Variants in CTNNA3 observed in about 807,000 individuals in gnomAD.
CTNNA3 encodes catenin alpha-3.
A neutral mutation model predicts 95.7 loss-of-function variants in CTNNA3; 76 were observed. That is an observed-to-expected ratio of 0.79 (90% CI 0.66 to 0.96). CTNNA3 has a LOEUF of 0.96. Ranked by LOEUF, CTNNA3 falls within the 40% of genes least tolerant of loss-of-function variation. The probability of loss-of-function intolerance (pLI) is 0.00; values close to 1 mark genes in which losing one functional copy is unlikely to be tolerated. For missense variants in CTNNA3, 1,191 were observed against 1,089.8 expected (o/e 1.09, Z -1.31); for synonymous variants, 431 against 374.4 (o/e 1.15, Z -1.74).
intron 13 of CTNNA3, among the ~76,000 whole-genome samples, chr10:66,239,074 A>C (rs1309219123): frequency 6.6e-6 from 1 of 151,888 alleles, no homozygotes; most frequent in Non-Finnish European, 1.5e-5. Flanking sequence ...CCAAGAGTTA[A>C]GCAATGGCAA....
chr10:67,458,845 T>C (rs1407121734), intron 5 of CTNNA3, among the ~76,000 whole-genome samples: 1 of 152,098 alleles, frequency 6.6e-6, no homozygotes, highest in East Asian at 1.9e-4. Flanking sequence ...GCTTAACATG[T>C]GGGGATTACA....
intron 9 of CTNNA3, among the ~76,000 whole-genome samples, chr10:66,648,387 A>G (rs1019253826): frequency 1.3e-5 from 2 of 152,128 alleles, no homozygotes; most frequent in Admixed American, 6.5e-5. Context: ...CAAAAAGAAA[A>G]AAATTAATGT....
At position 67,237,126 on chromosome 10, in the gene CTNNA3, GTATA is replaced by G. The variant is rs59511861; in HGVS notation, c.580-17260_580-17257del. Among the ~76,000 whole-genome samples, 293 of 39,846 alleles carry G rather than the reference GTATA, an allele frequency of 7.4e-3. 11 individuals carry two copies. The highest frequency in any genetic ancestry group is 0.022 in the African/African-American group (213 of 9,670). The allele number at this position is 39,846 out of a possible 152,430, so 26.1% of individuals were successfully genotyped here. A position where few individuals can be genotyped will look rare whatever the true frequency, so the allele number is the denominator to read the frequency against. On this transcript the variant is annotated intron_variant, in intron 5 of 17. Transcript: ENST00000433211. ...AGTGGATAAAGAAACTATGGTGTAT[GTATA>G]TATATATATATATATATATATATAT...
At chr10:66,970,509 G>GGGT (rs894279706) in intron 7 of CTNNA3, among the ~76,000 whole-genome samples, 2 of 137,746 alleles carry the variant, frequency 1.5e-5, no homozygotes, top group Admixed American at 7.6e-5. Flanking sequence ...GGGTGGGGGG[G>GGGT]GGATACAATT....
chr10:66,084,135 C>CAAAAAAAAAAAAAAAAAAAAA (rs200266418), intron 14 of CTNNA3, among the ~76,000 whole-genome samples: 1 of 80,104 alleles, frequency 1.2e-5, no homozygotes, highest in Non-Finnish European at 2.6e-5. Context: ...AACTTCATCT[C>CAAAAAAAAAAAAAAAAAAAAA]AAAAAAAAAA....
At chr10:67,252,158 C>T (rs1866134621) in intron 5 of CTNNA3, among the ~76,000 whole-genome samples, 1 of 146,376 alleles carries the variant, frequency 6.8e-6, no homozygotes, top group Admixed American at 7.0e-5. Flanking sequence ...TTGCAGTGAG[C>T]AGAGATTGTG....
chr10:67,183,327 G>A (rs923996710), intron 6 of CTNNA3, among the ~76,000 whole-genome samples: 1 of 152,122 alleles, frequency 6.6e-6, no homozygotes, highest in Non-Finnish European at 1.5e-5. Flanking sequence ...AAGAAAATGT[G>A]GCACATATAC....
intron 6 of CTNNA3, among the ~76,000 whole-genome samples, chr10:67,189,863 C>G (rs1001276595): frequency 3.9e-5 from 6 of 152,032 alleles, no homozygotes; most frequent in Non-Finnish European, 2.9e-5. Context: ...TTTAAAAAAT[C>G]TGACACTATG....
At chr10:65,929,894 G>A (rs991108486) in intron 17 of CTNNA3, among the ~76,000 whole-genome samples, 6 of 152,012 alleles carry the variant, frequency 3.9e-5, no homozygotes, top group African/African-American at 1.4e-4. Context: ...AGTTTATAAG[G>A]TGAACTGGAA....
At chr10:66,580,844 G>C (rs112922372) in intron 10 of CTNNA3, among the ~76,000 whole-genome samples, 1 of 151,778 alleles carries the variant, frequency 6.6e-6, no homozygotes, top group East Asian at 1.9e-4. Flanking sequence ...GGATATTAGT[G>C]CATGCATTAT....
At chr10:66,003,311 G>A (rs956439880) in intron 15 of CTNNA3, among the ~76,000 whole-genome samples, 5 of 148,590 alleles carry the variant, frequency 3.4e-5, no homozygotes, top group East Asian at 2.0e-4. Context: ...TGCTGGTGGC[G>A]GTGGTGGTGG....
chr10:66,826,970 G>A (rs926599698), intron 7 of CTNNA3, among the ~76,000 whole-genome samples: 1 of 152,116 alleles, frequency 6.6e-6, no homozygotes, highest in Non-Finnish European at 1.5e-5. Flanking sequence ...TGGCTGTACT[G>A]TACCAAGTTA....
intron 9 of CTNNA3, among the ~76,000 whole-genome samples, chr10:66,671,943 A>C (rs1357184414): frequency 6.6e-6 from 1 of 152,168 alleles, no homozygotes; most frequent in African/African-American, 2.4e-5. Context: ...GGACTAAATA[A>C]ATGCTGGTTA....
intron 5 of CTNNA3, among the ~76,000 whole-genome samples, chr10:67,346,461 TA>T (rs2132629916): frequency 6.6e-6 from 1 of 152,358 alleles, no homozygotes; most frequent in African/African-American, 2.4e-5. Flanking sequence ...GGAATGTTTT[TA>T]TTTCTCTTTC....
chr10:66,468,728 C>A (rs1392381782), intron 11 of CTNNA3, among the ~76,000 whole-genome samples: 1 of 151,746 alleles, frequency 6.6e-6, no homozygotes, highest in African/African-American at 2.4e-5. Context: ...ATGTTATATA[C>A]TGTAAATATA....
chr10:66,217,336 G>C (rs1337275672), intron 13 of CTNNA3, among the ~76,000 whole-genome samples: 1 of 139,422 alleles, frequency 7.2e-6, no homozygotes, highest in Admixed American at 7.5e-5. Context: ...CTGGGCGACA[G>C]AGCGAGACTC....
intron 17 of CTNNA3, among the ~76,000 whole-genome samples, chr10:65,960,810 T>C (rs1201483711): frequency 6.6e-6 from 1 of 152,208 alleles, no homozygotes; most frequent in African/African-American, 2.4e-5. Flanking sequence ...CTTAGGATAA[T>C]GGTCTCCAGC....
intron 13 of CTNNA3, among the ~76,000 whole-genome samples, chr10:66,227,104 A>G (rs2089332598): frequency 6.6e-6 from 1 of 152,076 alleles, no homozygotes. Context: ...AGCTCAAGTG[A>G]TCCTCTCATT....
intron 11 of CTNNA3, among the ~76,000 whole-genome samples, chr10:66,465,707 T>C (rs12255438): frequency 0.062 from 9,441 of 152,066 alleles, 607 homozygotes; most frequent in African/African-American, 0.16. Context: ...CATCTCCTGA[T>C]GGGAAAGGAA....
Sources: allele counts gnomAD v4.1 joint callset (sites outside exome capture counted in the v4.1 genomes callset), GRCh38; gene constraint gnomAD v4.1.1; transcripts MANE v1.5; gene names NCBI Gene and HGNC (gene_info 2026-07-23, HGNC 2026-07-21).